Variants in DHCR24 observed in about 807,000 individuals in gnomAD.
DHCR24 encodes delta(24)-sterol reductase.
Under a neutral mutation model 61.2 loss-of-function variants are expected in DHCR24, and 28 were observed. That is an observed-to-expected ratio of 0.46 (90% CI 0.34 to 0.63). DHCR24 has a LOEUF of 0.63. DHCR24 is among the 20% of genes least tolerant of loss of function. DHCR24 has a pLI of 0.01. For missense variants in DHCR24, 538 were observed against 679.1 expected (o/e 0.79, Z 2.31); for synonymous variants, 261 against 275.9 (o/e 0.95, Z 0.54).
chr1:54,858,135 C>T (rs533577812), intron 6 of DHCR24, among the ~76,000 whole-genome samples: 28 of 152,248 alleles, frequency 1.8e-4, no homozygotes, highest in Non-Finnish European at 2.6e-4. Context: ...GAGGATGCTG[C>T]GCGCAGATGC....
chr1:54,854,701 G>A (rs558784343), intron 6 of DHCR24, among the ~76,000 whole-genome samples: 2 of 152,314 alleles, frequency 1.3e-5, no homozygotes, highest in Admixed American at 1.3e-4. Context: ...AGTCTCCCTA[G>A]GGGCACACAG....
Position 54,883,802 on chromosome 1 carries a change from G to A in DHCR24, c.232-29C>T. Reference sequence around the variant, plus strand: ...CAACCACAGGACAGAGGGTGAGCTGGCCCCACTGGGAATCCCCAGAGCAGC... The same window carrying A: ...CAACCACAGGACAGAGGGTGAGCTGACCCCACTGGGAATCCCCAGAGCAGC... On this transcript the variant is annotated intron_variant, in intron 1 of 8. Coordinates refer to ENST00000371269, the MANE Select transcript of DHCR24 (RefSeq NM_014762.4). The surrounding 1 kb of genome is among the most constrained non-coding windows in gnomAD (Gnocchi z 4.3). 6.2e-7 allele frequency: 1 copy of A among 1,613,390 alleles called. No homozygotes were observed. Among genetic ancestry groups the A allele is most frequent in the Non-Finnish European group, 8.5e-7 (1 of 1,180,010 alleles).
In DHCR24 at chr1:54,850,930, G is replaced by A. The variant is rs1272729561; in HGVS notation, c.*1303C>T. 1 of 152,280 alleles carries A rather than the reference G, an allele frequency of 6.6e-6. No individual in the cohort carries two copies. The allele number at this position is 152,280 out of a possible 1,614,324, so 9.4% of individuals were successfully genotyped here. A position where few individuals can be genotyped will look rare whatever the true frequency, so the allele number is the denominator to read the frequency against. ...TGACTCACACGCCACAACCATGACT[G>A]GCTCAGCTCCCTTAATTCCAGCTTC... is the stretch of plus-strand genomic sequence containing the variant. On this transcript the variant is annotated 3_prime_UTR_variant, in exon 9 of 9. Coordinates refer to ENST00000371269, the MANE Select transcript of DHCR24 (RefSeq NM_014762.4).
chr1:54,868,324 G>T (rs535580863), intron 5 of DHCR24, among the ~76,000 whole-genome samples: 68 of 152,136 alleles, frequency 4.5e-4, no homozygotes, highest in Middle Eastern at 3.4e-3. Flanking sequence ...CAAAAAATTA[G>T]CCGGGCGTGG....
At chr1:54,861,755 C>T (rs1646939578) in intron 6 of DHCR24, among the ~76,000 whole-genome samples, 1 of 152,206 alleles carries the variant, frequency 6.6e-6, no homozygotes, top group Admixed American at 6.5e-5. Context: ...ACTGTAAATT[C>T]ATGAGTGTGA....
rs149238468 is a variant in DHCR24, at chr1:54,876,041, G to A, written c.394C>T (p.Arg132Cys). 14 of 1,613,594 alleles carry A rather than the reference G, an allele frequency of 8.7e-6. No homozygotes were observed. The highest frequency in any genetic ancestry group is 2.2e-5 in the East Asian group (1 of 44,876). ...LEVDTKKQIV[R>C]VEPLVTMGQV... ...CCCATGGTCACCAAGGGCTCCACAC[G>A]GACAATCTGTTGACACAAGAAAAGA... Residue 132 changes from arginine (R) to cysteine (C), a missense_variant, in exon 3 of 9, where the codon CGT (arginine) becomes TGT (cysteine). Arg to Cys is a radical substitution (Grantham distance 180, BLOSUM62 -3). Coordinates refer to ENST00000371269, the MANE Select transcript of DHCR24 (RefSeq NM_014762.4).
Position 54,887,107 on chromosome 1 carries a change from C to T in DHCR24, c.13G>A (p.Val5Met). 1 of 1,587,318 alleles carries T rather than the reference C, an allele frequency of 6.3e-7. No individual in the cohort carries two copies. Among genetic ancestry groups the T allele is most frequent in the Non-Finnish European group, 8.6e-7 (1 of 1,167,548 alleles). MEPA[V>M]SLAVCALLFL... ...AGCAGCGCGCACACGGCCAGCGACACGGCGGGCTCCATGGTGCGGCGCCGC... is the reference window on the plus strand; with the variant it reads ...AGCAGCGCGCACACGGCCAGCGACATGGCGGGCTCCATGGTGCGGCGCCGC... Residue 5 changes from valine to methionine, a missense_variant, in exon 1 of 9, where the codon GTG becomes ATG. Transcript: ENST00000371269.
At chr1:54,875,627 A>G (rs941376973) in intron 3 of DHCR24, among the ~76,000 whole-genome samples, 1 of 152,120 alleles carries the variant, frequency 6.6e-6, no homozygotes, top group East Asian at 1.9e-4. Flanking sequence ...GGGGCTATGA[A>G]TCCTATGGGA....
Position 54,852,136 on chromosome 1 carries a change from C to G in DHCR24, c.*97G>C, listed in dbSNP as rs1646878529. On this transcript the variant is annotated 3_prime_UTR_variant, in exon 9 of 9. Coordinates refer to ENST00000371269, the MANE Select transcript of DHCR24 (RefSeq NM_014762.4). ...CAGGGTGGGAGTTCTGGAGGGGTTT[C>G]TCTTTGAAAGTGTGGATCTAGGAAA... 6.7e-7 allele frequency: 1 copy of G among 1,500,188 alleles called. No individual in the cohort carries two copies. The allele number at this position is 1,500,188 out of a possible 1,614,324, so 92.9% of individuals were successfully genotyped here. A position where few individuals can be genotyped will look rare whatever the true frequency, so the allele number is the denominator to read the frequency against.
rs573285056 is a variant in DHCR24, at chr1:54,879,352, A to AAAAAAAAAAAAAAAAAAAAAAAAAAG, written c.388-3306_388-3305insCTTTTTTTTTTTTTTTTTTTTTTTTT. ...AAAAAAAAAAAAAAAAAAAAAAAAA[A>AAAAAAAAAAAAAAAAAAAAAAAAAAG]TCCAAATCAAACTTCTGGAAATGAA... On this transcript the variant is annotated intron_variant, in intron 2 of 8. Transcript: ENST00000371269. 9.4e-5 allele frequency among the ~76,000 whole-genome samples: 12 copies of AAAAAAAAAAAAAAAAAAAAAAAAAAG among 128,160 alleles called. 1 individual carries two copies. Among genetic ancestry groups the AAAAAAAAAAAAAAAAAAAAAAAAAAG allele is most frequent in the Non-Finnish European group, 1.6e-4 (10 of 60,906 alleles). 84.1% of individuals were successfully genotyped at this position (128,160 alleles called of 152,430 possible).
chr1:54,853,748 G>A, intron 7 of DHCR24, 136 bp from the exon 8 acceptor site: 2 of 1,043,990 alleles, frequency 1.9e-6, no homozygotes, highest in South Asian at 2.9e-5. Flanking sequence ...CAGCTTCACT[G>A]CCCCGCCCCC....
In DHCR24 at chr1:54,875,104, G is replaced by A. The variant is rs1218323792; in HGVS notation, c.601C>T (p.Arg201Ter). ...ELVLADGSFV[R>*]CTPSENSDLF... is the part of the protein sequence containing the mutation. ...ATTGCTGAACTCACCGGAGTGCATCGCACAAAGCTGCCATCAGCCAGGACC... is the reference window on the plus strand; with the variant it reads ...ATTGCTGAACTCACCGGAGTGCATCACACAAAGCTGCCATCAGCCAGGACC... Residue 201 changes from arginine (R) to a stop codon, truncating the protein, a stop_gained, in exon 4 of 9, where the codon CGA becomes TGA. Transcript: ENST00000371269. LOFTEE classifies it high-confidence loss of function. 2 of 1,613,922 alleles carry A rather than the reference G, an allele frequency of 1.2e-6. No homozygotes were observed. The highest frequency in any genetic ancestry group is 1.1e-5 in the South Asian group (1 of 91,078).
chr1:54,883,033 T>C lies in DHCR24; in HGVS notation c.387+585A>G, dbSNP rs1436956233. The stretch of plus-strand genomic sequence containing the variant: ...TAACTTGGCCAAGGTCTCACAATAA[T>C]AACAAAATGCCATCAAGTAGACATA... On this transcript the variant is annotated intron_variant, in intron 2 of 8. Coordinates refer to ENST00000371269, the MANE Select transcript of DHCR24 (RefSeq NM_014762.4). This position sits in a 1 kb window ranked among gnomAD's most constrained non-coding sequence, Gnocchi z 4.3. 1.3e-5 allele frequency among the ~76,000 whole-genome samples: 2 copies of C among 152,110 alleles called. No individual in the cohort carries two copies. The highest frequency in any genetic ancestry group is 2.9e-5 in the Non-Finnish European group (2 of 68,016).
At chr1:54,873,588 G>A (rs1472846324) in intron 4 of DHCR24, among the ~76,000 whole-genome samples, 2 of 152,192 alleles carry the variant, frequency 1.3e-5, no homozygotes, top group South Asian at 2.1e-4. Flanking sequence ...GACAAGATGC[G>A]GAAGTGGAAG....
At chr1:54,882,568 C>T (rs1445438064) in intron 2 of DHCR24, among the ~76,000 whole-genome samples, 2 of 152,148 alleles carry the variant, frequency 1.3e-5, no homozygotes, top group Non-Finnish European at 1.5e-5. Flanking sequence ...TGTAATTGCC[C>T]CAAACTGGAG....
chr1:54,875,223 T>TCA lies in DHCR24; in HGVS notation c.494-14_494-13dup. ...CATGATCAAGCCCCCTGCAGAGACA[T>TCA]CACACACAGTGTCAGCAGGGAGAGC... On this transcript the variant is annotated splice_polypyrimidine_tract_variant and intron_variant, in intron 3 of 8. Coordinates refer to ENST00000371269, the MANE Select transcript of DHCR24 (RefSeq NM_014762.4). 1 of 1,612,144 alleles carries TCA rather than the reference T, an allele frequency of 6.2e-7. No individual in the cohort carries two copies. Among genetic ancestry groups the TCA allele is most frequent in the Non-Finnish European group, 8.5e-7 (1 of 1,178,282 alleles).
In DHCR24 at chr1:54,852,272, G is replaced by C. The variant is rs375556248; in HGVS notation, c.1512C>G (p.Pro504=). ...REKLGCQDAF[P]EVYDKICKAA... The stretch of plus-strand genomic sequence containing the variant: ...CCTTGCAGATCTTGTCGTACACCTC[G>C]GGGAAGGCGTCCTGGCAACCCAGCT... Residue 504 remains proline (P), a synonymous_variant, in exon 9 of 9, where the codon CCC becomes CCG. Transcript: ENST00000371269. The C allele has an allele frequency of 1.2e-6, 2 of 1,614,092 alleles. No homozygotes were observed. Among genetic ancestry groups the C allele is most frequent in the Admixed American group, 1.7e-5 (1 of 59,998 alleles).
At chr1:54,863,995 A>G (rs1409900708) in intron 6 of DHCR24, among the ~76,000 whole-genome samples, 1 of 152,254 alleles carries the variant, frequency 6.6e-6, no homozygotes, top group Non-Finnish European at 1.5e-5. Flanking sequence ...TCAATACCAT[A>G]AACCCACCAG....
At chr1:54,857,360 G>A (rs1189818744) in intron 6 of DHCR24, among the ~76,000 whole-genome samples, 1 of 152,232 alleles carries the variant, frequency 6.6e-6, no homozygotes, top group Non-Finnish European at 1.5e-5. Context: ...GAAGTCCTGG[G>A]GCAATGGCCT....
Sources: allele counts gnomAD v4.1 joint callset (sites outside exome capture counted in the v4.1 genomes callset), GRCh38; gene constraint gnomAD v4.1.1; non-coding constraint Gnocchi (gnomAD v3.1); transcripts MANE v1.5; gene names NCBI Gene and HGNC (gene_info 2026-07-23, HGNC 2026-07-21).